MBTPS1: variants seen among roughly 807,000 people sequenced by gnomAD.
The protein encoded by MBTPS1 is membrane-bound transcription factor site-1 protease.
Under a neutral mutation model 127.8 loss-of-function variants are expected in MBTPS1, and 94 were observed. The observed-to-expected ratio is 0.74, with a 90% CI of 0.62 to 0.87. The LOEUF (loss-of-function observed/expected upper bound fraction) is 0.87. Among genes scored for constraint, MBTPS1 ranks in the 40% least tolerant of loss-of-function variants. The pLI, the probability that MBTPS1 is intolerant of heterozygous loss-of-function variation, is 0.00. For synonymous variants in MBTPS1, 632 were observed against 509.4 expected (o/e 1.24, Z -3.24); for missense variants, 1,636 against 1,353.2 (o/e 1.21, Z -3.28).
intron 1 of MBTPS1, among the ~76,000 whole-genome samples, chr16:84,111,141 C>G (rs1166918748): frequency 2.0e-5 from 3 of 152,210 alleles, no homozygotes; most frequent in Non-Finnish European, 4.4e-5. Flanking sequence ...AATGAAGGCA[C>G]TGAGACAGTA....
At chr16:84,077,162 T>C (rs2085868087) in intron 11 of MBTPS1, among the ~76,000 whole-genome samples, 1 of 147,366 alleles carries the variant, frequency 6.8e-6, no homozygotes, top group Non-Finnish European at 1.5e-5. Flanking sequence ...ATGGCAGAGG[T>C]TACAGTGAGC....
chr16:84,112,794 G>A (rs1191734395), intron 1 of MBTPS1, among the ~76,000 whole-genome samples: 1 of 151,718 alleles, frequency 6.6e-6, no homozygotes, highest in African/African-American at 2.4e-5. Flanking sequence ...GGCCAACATG[G>A]TGAAACCCCA....
intron 14 of MBTPS1, among the ~76,000 whole-genome samples, chr16:84,068,797 T>A (rs1212577497): frequency 1.3e-5 from 2 of 152,246 alleles, no homozygotes; most frequent in East Asian, 3.8e-4. Flanking sequence ...ACAGAAGAGC[T>A]TAGCAAATAG....
intron 12 of MBTPS1, chr16:84,071,940 G>C (rs966601860): frequency 7.2e-5 from 11 of 152,200 alleles, no homozygotes; most frequent in African/African-American, 2.7e-4. Flanking sequence ...TCATACAAGA[G>C]GAAACAGAAT....
Position 84,059,329 on chromosome 16 carries a change from G to A in MBTPS1, c.2804C>T (p.Pro935Leu). The A allele has an allele frequency of 4.3e-6, 7 of 1,614,104 alleles. No individual in the cohort carries two copies. Among genetic ancestry groups the A allele is most frequent in the Non-Finnish European group, 5.1e-6 (6 of 1,179,958 alleles). ...GGGCGCCGTCTCGTTTAAAGGCTGT[G>A]GCTTGGCCCAAGACAAGCGTGGACA... Reference protein sequence around the residue: ...PACPRLSWAKPQPLNETAPSN... With the variant: ...PACPRLSWAKLQPLNETAPSN... The change falls in exon 21 of 23, where the codon CCA (proline) becomes CTA (leucine). Residue 935 changes from proline to leucine, a missense_variant. By Grantham distance (98) the Pro-to-Leu change is moderately conservative (BLOSUM62 -3). Transcript: ENST00000343411.
chr16:84,058,354 C>G (rs2085550956), intron 21 of MBTPS1, among the ~76,000 whole-genome samples: 1 of 152,204 alleles, frequency 6.6e-6, no homozygotes, highest in Non-Finnish European at 1.5e-5. Context: ...GGCCCCATAC[C>G]ATCACTGGAG....
chr16:84,070,820 C>T, intron 12 of MBTPS1, 44 bp from the exon 13 acceptor site: 2 of 1,488,866 alleles, frequency 1.3e-6, no homozygotes, highest in Non-Finnish European at 1.8e-6. Context: ...TGAAAAGCTC[C>T]AGGAGAAAAC....
At position 84,090,879 on chromosome 16, in the gene MBTPS1, A is replaced by G. The variant is rs1200039057; in HGVS notation, c.1027T>C (p.Tyr343His). ...VSAIGNDGPL[Y>H]GTLNNPADQM... ...ATCCCTGCTGGGGCTACTTACCCAT[A>G]AAGAGGTCCGTCATTGCCAATAGCA... is the stretch of plus-strand genomic sequence containing the variant. The change falls in exon 8 of 23, where the codon TAT becomes CAT. Residue 343 changes from tyrosine (Y) to histidine (H), a missense_variant. Tyr to His is a moderately conservative substitution (Grantham distance 83). Coordinates refer to ENST00000343411, the MANE Select transcript of MBTPS1 (RefSeq NM_003791.4). 3.1e-6 allele frequency: 5 copies of G among 1,612,418 alleles called. No individual in the cohort carries two copies. The highest frequency in any genetic ancestry group is 4.2e-6 in the Non-Finnish European group (5 of 1,178,912).
chr16:84,084,052 C>T (rs1032670738), intron 10 of MBTPS1, among the ~76,000 whole-genome samples: 11 of 152,170 alleles, frequency 7.2e-5, no homozygotes, highest in African/African-American at 2.4e-4. Context: ...CTCCTCCTCC[C>T]GGGTTCAAGC....
intron 14 of MBTPS1, among the ~76,000 whole-genome samples, chr16:84,069,376 C>G (rs1212902992): frequency 6.6e-6 from 1 of 152,136 alleles, no homozygotes; most frequent in Non-Finnish European, 1.5e-5. Context: ...GTGAGGAAGT[C>G]AGAATAGGCA....
At chr16:84,078,740 GGA>G (rs1482805825) in intron 11 of MBTPS1, among the ~76,000 whole-genome samples, 11 of 152,326 alleles carry the variant, frequency 7.2e-5, no homozygotes, top group African/African-American at 2.2e-4. Context: ...GCACTGACGT[GGA>G]GAGATTTCCA....
At chr16:84,107,494 A>G (rs973700401) in intron 1 of MBTPS1, among the ~76,000 whole-genome samples, 3 of 152,020 alleles carry the variant, frequency 2.0e-5, no homozygotes, top group African/African-American at 7.2e-5. Flanking sequence ...GGCTCTATCA[A>G]GACTATTTCA....
At chr16:84,085,234 A>T in intron 9 of MBTPS1, 100 bp from the exon 10 acceptor site, 1 of 1,195,184 alleles carries the variant, frequency 8.4e-7, no homozygotes, top group East Asian at 2.5e-5. Flanking sequence ...TGGGTTAGTT[A>T]AAAACTGTAT....
At chr16:84,098,184 C>T (rs1355729691) in intron 3 of MBTPS1, among the ~76,000 whole-genome samples, 7 of 152,154 alleles carry the variant, frequency 4.6e-5, no homozygotes, top group Admixed American at 4.6e-4. Context: ...AAAGGAAAAG[C>T]CAAGTTGCTT....
Position 84,063,421 on chromosome 16 carries a change from G to C in MBTPS1, c.2456C>G (p.Thr819Arg). 6.2e-7 allele frequency: 1 copy of C among 1,614,098 alleles called. No individual in the cohort carries two copies. Among genetic ancestry groups the C allele is most frequent in the Non-Finnish European group, 8.5e-7 (1 of 1,180,000 alleles). Residue 819 changes from threonine to arginine, a missense_variant, in exon 19 of 23, where the codon ACA (threonine) becomes AGA (arginine). Transcript: ENST00000343411. ...AATGGGGACGTTTTCAACAACTGCT[G>C]TTTCCTGCTTTAAAACCTCCAATCC... ...DQGLEVLKQETAVVENVPILG... is the reference protein window; with the variant it reads ...DQGLEVLKQERAVVENVPILG...
At chr16:84,070,861 C>A in intron 12 of MBTPS1, 85 bp from the exon 13 acceptor site, 1 of 1,087,416 alleles carries the variant, frequency 9.2e-7, no homozygotes, top group East Asian at 2.4e-5. Context: ...CAATTCTTAC[C>A]AAAACTGGTT....
At chr16:84,107,659 T>G (rs1298066943) in intron 1 of MBTPS1, among the ~76,000 whole-genome samples, 1 of 151,284 alleles carries the variant, frequency 6.6e-6, no homozygotes, top group Non-Finnish European at 1.5e-5. Context: ...GCAGAGGGAC[T>G]GGGGTCCCCA....
At chr16:84,099,392 T>G in intron 2 of MBTPS1, 82 bp from the exon 3 acceptor site, 1 of 1,424,574 alleles carries the variant, frequency 7.0e-7, no homozygotes, top group Non-Finnish European at 9.4e-7. Context: ...ATCTAAAATC[T>G]GGCAAAAGAA....
rs1297996711 is a variant in MBTPS1, at chr16:84,056,154, A to G, written c.2832-19T>C. ...AAGGTTACTTCAGGAAAATGGATTA[A>G]AACAAAACAAAAATAAGCCATTGTA... is the stretch of plus-strand genomic sequence containing the variant. On this transcript the variant is annotated intron_variant, in intron 21 of 22. Transcript: ENST00000343411. The G allele has an allele frequency of 6.2e-7, 1 of 1,609,810 alleles. No homozygotes were observed. Among genetic ancestry groups the G allele is most frequent in the Non-Finnish European group, 8.5e-7 (1 of 1,176,220 alleles).
Sources: allele counts gnomAD v4.1 joint callset (sites outside exome capture counted in the v4.1 genomes callset), GRCh38; gene constraint gnomAD v4.1.1; transcripts MANE v1.5; gene names NCBI Gene and HGNC (gene_info 2026-07-23, HGNC 2026-07-21).